The following PCDHGB3 variants were observed in gnomAD, a reference collection of about 807,000 sequenced individuals.
PCDHGB3 encodes protocadherin gamma subfamily B, 3, also known as protocadherin gamma-B3.
Under a neutral mutation model 59.2 loss-of-function variants are expected in PCDHGB3, and 40 were observed. That is an observed-to-expected ratio of 0.68 (90% confidence interval 0.52 to 0.88). The LOEUF (loss-of-function observed/expected upper bound fraction) is 0.88, where lower values mean the gene tolerates loss of function less well. PCDHGB3 is among the 40% of genes least tolerant of loss of function. The pLI, the probability that PCDHGB3 is intolerant of heterozygous loss-of-function variation, is 0.00. For missense variants in PCDHGB3, 1,309 were observed against 1,187.9 expected, an observed-to-expected ratio of 1.10 and a Z score of -1.50; for synonymous variants, 581 against 503.6, an observed-to-expected ratio of 1.15 and a Z score of -2.06.
At chr5:141,425,745 G>A (rs776065455) in intron 1 of PCDHGB3, among the ~76,000 whole-genome samples, 26 of 152,100 alleles carry the variant, frequency 1.7e-4, no homozygotes, top group Non-Finnish European at 2.9e-4. Flanking sequence ...TTCCCACAAG[G>A]TTTTTGTTCT....
At chr5:141,427,371 G>A (rs772247790) in intron 1 of PCDHGB3, 3 of 458,018 alleles carry the variant, frequency 6.5e-6, no homozygotes, top group East Asian at 6.9e-5. Context: ...ACCCTGGACG[G>A]TGATCACTCT....
Position 141,412,905 on chromosome 5 carries a change from A to G in PCDHGB3, c.2415+40096A>G, listed in dbSNP as rs145108034. The stretch of plus-strand genomic sequence containing the variant: ...AACAGAATAGTTTACTTTCCATTGC[A>G]TGTATCACTTGGGTGCAGTAACTTC... On this transcript the variant is annotated intron_variant, in intron 1 of 3. Coordinates refer to ENST00000576222, the MANE Select transcript of PCDHGB3 (RefSeq NM_018924.5). 1.3e-3 allele frequency: 513 copies of G among 382,556 alleles called. 6 individuals are homozygous for G. The East Asian group carries it at 0.015, about 11-fold the overall frequency. 23.7% of individuals were successfully genotyped at this position (382,556 alleles called of 1,614,324 possible).
At position 141,477,160 on chromosome 5, in the gene PCDHGB3, C is replaced by G. The variant is rs768436526; in HGVS notation, c.2416-17647C>G. 2 of 1,614,186 alleles carry G rather than the reference C, an allele frequency of 1.2e-6. No homozygotes were observed. Among genetic ancestry groups the G allele is most frequent in the Admixed American group, 1.7e-5 (1 of 60,020 alleles). On this transcript the variant is annotated intron_variant, in intron 1 of 3. Transcript: ENST00000576222. The surrounding 1 kb of genome is among the most constrained non-coding windows in gnomAD (Gnocchi z 4.9). ...TGGAGGTTGTGGATGTGAATGACAA[C>G]GCCCCGGAGATCACAGTCACCTCCG...
intron 1 of PCDHGB3, among the ~76,000 whole-genome samples, chr5:141,469,162 G>A (rs2099192596): frequency 6.6e-6 from 1 of 152,062 alleles, no homozygotes; most frequent in Admixed American, 6.6e-5. Flanking sequence ...TGTAGTCCCA[G>A]CTACTTGGGA....
At position 141,371,651 on chromosome 5, in the gene PCDHGB3, T is replaced by C; in HGVS notation, c.1257T>C (p.Asn419=). 1 of 1,613,998 alleles carries C rather than the reference T, an allele frequency of 6.2e-7. No individual in the cohort carries two copies. The highest frequency in any genetic ancestry group is 1.7e-5 in the Admixed American group (1 of 60,024). ...ALDREQIPEY[N]VTITATDKGN... The stretch of plus-strand genomic sequence containing the variant: ...ACCGGGAGCAGATCCCAGAATACAA[T>C]GTGACGATCACAGCTACCGACAAAG... Residue 419 remains asparagine (N), a synonymous_variant, in exon 1 of 4, where the codon AAT becomes AAC. Coordinates refer to ENST00000576222, the MANE Select transcript of PCDHGB3 (RefSeq NM_018924.5).
At chr5:141,462,062 A>T (rs957948334) in intron 1 of PCDHGB3, among the ~76,000 whole-genome samples, 3 of 152,168 alleles carry the variant, frequency 2.0e-5, no homozygotes, top group African/African-American at 2.4e-5. Context: ...ACCTCAGGTG[A>T]TCTGCCCGCC....
At chr5:141,502,019 G>A (rs1454981730) in intron 2 of PCDHGB3, among the ~76,000 whole-genome samples, 1 of 152,008 alleles carries the variant, frequency 6.6e-6, no homozygotes, top group African/African-American at 2.4e-5. Flanking sequence ...TCTCCTCCCT[G>A]CAACCCCCGC....
In PCDHGB3 at chr5:141,423,718, A is replaced by G. The variant is rs1450410707; in HGVS notation, c.2415+50909A>G. The G allele has an allele frequency of 4.8e-6, 5 of 1,049,028 alleles. No homozygotes were observed. In the East Asian group the frequency reaches 2.9e-4, roughly 60 times the overall value. 65.0% of individuals were successfully genotyped at this position (1,049,028 alleles called of 1,614,324 possible). On this transcript the variant is annotated intron_variant, in intron 1 of 3. Coordinates refer to ENST00000576222, the MANE Select transcript of PCDHGB3 (RefSeq NM_018924.5). The stretch of plus-strand genomic sequence containing the variant: ...GTGTCTTGGCACAAGTCTTTTAAGG[A>G]GATGTTTTTTGAGCCTGTTATGAAA...
chr5:141,403,256 T>G, intron 1 of PCDHGB3: 3 of 1,613,854 alleles, frequency 1.9e-6, no homozygotes, highest in Non-Finnish European at 2.5e-6. Flanking sequence ...GAGCCCGCGG[T>G]GTCTGGTGAA....
In PCDHGB3 at chr5:141,370,885, T is replaced by C; in HGVS notation, c.491T>C (p.Val164Ala). Residue 164 changes from valine (V) to alanine (A), a missense_variant, in exon 1 of 4, where the codon GTC (valine) becomes GCC (alanine). Coordinates refer to ENST00000576222, the MANE Select transcript of PCDHGB3 (RefSeq NM_018924.5). ...LESAQDPDVG[V>A]NSLQQYYLSP... is the part of the protein sequence containing the mutation. ...TCTGCGCAAGATCCTGATGTAGGTG[T>C]CAATTCGCTGCAGCAGTACTACCTC... The C allele has an allele frequency of 9.9e-6, 16 of 1,613,994 alleles. No homozygotes were observed. The highest frequency in any genetic ancestry group is 1.4e-5 in the Non-Finnish European group (16 of 1,179,880).
At chr5:141,439,741 A>C (rs1303886454) in intron 1 of PCDHGB3, 1 of 152,352 alleles carries the variant, frequency 6.6e-6, no homozygotes, top group African/African-American at 2.4e-5. Flanking sequence ...AACGGAACGG[A>C]TTTACAGGCA....
Position 141,372,529 on chromosome 5 carries a change from C to G in PCDHGB3, c.2135C>G (p.Ser712Cys). 1 of 1,614,042 alleles carries G rather than the reference C, an allele frequency of 6.2e-7. No homozygotes were observed. Among genetic ancestry groups the G allele is most frequent in the Non-Finnish European group, 8.5e-7 (1 of 1,179,898 alleles). Reference sequence around the variant, plus strand: ...CTCCTCGCGGTGATTCTGGCAATCTCCCTGCGCCTGCGATGCTCCTCCAGA... The same window carrying G: ...CTCCTCGCGGTGATTCTGGCAATCTGCCTGCGCCTGCGATGCTCCTCCAGA... ...LFLLAVILAI[S>C]LRLRCSSRPA... Residue 712 changes from serine (S) to cysteine (C), a missense_variant, in exon 1 of 4, where the codon TCC (serine) becomes TGC (cysteine). Ser to Cys is a moderately radical substitution (Grantham distance 112). Coordinates refer to ENST00000576222, the MANE Select transcript of PCDHGB3 (RefSeq NM_018924.5).
Position 141,478,910 on chromosome 5 carries a change from A to G in PCDHGB3, c.2416-15897A>G, listed in dbSNP as rs568573298. On this transcript the variant is annotated intron_variant, in intron 1 of 3. Transcript: ENST00000576222. ...ATTTACATTAGGAATAAGCTGCTGG[A>G]TACCTCTAACCAGTGGCAGCTTCTA... 5.3e-4 allele frequency: 474 copies of G among 893,806 alleles called. 7 individuals are homozygous for G. The South Asian group carries it at 6.8e-3, about 13-fold the overall frequency. 55.4% of individuals were successfully genotyped at this position (893,806 alleles called of 1,614,324 possible).
At position 141,431,763 on chromosome 5, in the gene PCDHGB3, T is replaced by C; in HGVS notation, c.2415+58954T>C. On this transcript the variant is annotated intron_variant, in intron 1 of 3. Transcript: ENST00000576222. The surrounding 1 kb of genome is among the most constrained non-coding windows in gnomAD (Gnocchi z 4.8). ...TATTCTGCGCGAGCCAAAGTCCTGA[T>C]CACTGTTCTGGACGTGAACGACAAT... 1 of 1,614,230 alleles carries C rather than the reference T, an allele frequency of 6.2e-7. No individual in the cohort carries two copies. Among genetic ancestry groups the C allele is most frequent in the Non-Finnish European group, 8.5e-7 (1 of 1,180,030 alleles).
intron 1 of PCDHGB3, chr5:141,383,586 G>A (rs1483422462): frequency 6.2e-7 from 1 of 1,613,654 alleles, no homozygotes; most frequent in Admixed American, 1.7e-5. Flanking sequence ...CCCACATCCA[G>A]GTGACAGTGG....
chr5:141,415,227 T>A, intron 1 of PCDHGB3: 2 of 1,614,126 alleles, frequency 1.2e-6, no homozygotes, highest in African/African-American at 2.7e-5. Context: ...GCTTCGAGTC[T>A]CCAGCTAACT....
intron 1 of PCDHGB3, chr5:141,478,865 T>G: frequency 7.5e-7 from 1 of 1,326,190 alleles, no homozygotes; most frequent in Non-Finnish European, 1.0e-6. Context: ...ATCTCAGCGA[T>G]CAGAGTTTAG....
rs765751691 is a variant in PCDHGB3 at position 141,431,363 on chromosome 5, C to G, written c.2415+58554C>G. The G allele has an allele frequency of 6.2e-7, 1 of 1,614,024 alleles. No individual in the cohort carries two copies. The highest frequency in any genetic ancestry group is 2.2e-5 in the East Asian group (1 of 44,882). ...ATTGGTGCTGAAACGCGCCCTGGAC[C>G]GCGAAGAAAAGGCTGCTCACCACCT... is the stretch of plus-strand genomic sequence containing the variant. On this transcript the variant is annotated intron_variant, in intron 1 of 3. Transcript: ENST00000576222. This position sits in a 1 kb window ranked among gnomAD's most constrained non-coding sequence, Gnocchi z 4.8.
intron 1 of PCDHGB3, chr5:141,408,715 G>T: frequency 1.9e-6 from 3 of 1,612,078 alleles, no homozygotes; most frequent in Non-Finnish European, 2.5e-6. Flanking sequence ...AAGATTATAA[G>T]ATAAACTCTA....
Sources: allele counts gnomAD v4.1 joint callset (sites outside exome capture counted in the v4.1 genomes callset), GRCh38; gene constraint gnomAD v4.1.1; non-coding constraint Gnocchi (gnomAD v3.1); transcripts MANE v1.5; gene names NCBI Gene and HGNC (gene_info 2026-07-23, HGNC 2026-07-21).